KCNQ3: variants seen among roughly 807,000 people sequenced by gnomAD.
The protein encoded by KCNQ3 is potassium voltage-gated channel subfamily Q member 3.
KCNQ3 carries 30 observed loss-of-function variants against 92.5 expected under a neutral mutation model. That is an observed-to-expected ratio of 0.32 (90% CI 0.24 to 0.44). The LOEUF (loss-of-function observed/expected upper bound fraction) is 0.44, where lower values mean the gene tolerates loss of function less well. KCNQ3 is among the 20% of genes least tolerant of loss of function. The probability of loss-of-function intolerance (pLI) is 1.00; values close to 1 mark genes in which losing one functional copy is unlikely to be tolerated. For missense variants in KCNQ3, 913 were observed against 1,140.3 expected (o/e 0.80, Z 2.87); for synonymous variants, 450 against 468.8 (o/e 0.96, Z 0.52).
intron 1 of KCNQ3, among the ~76,000 whole-genome samples, chr8:132,301,436 A>G (rs899556366): frequency 6.6e-6 from 1 of 151,976 alleles, no homozygotes. Flanking sequence ...ACTCAATCCC[A>G]TTTCCTTATG....
At chr8:132,315,566 G>C (rs1817717065) in intron 1 of KCNQ3, among the ~76,000 whole-genome samples, 1 of 152,132 alleles carries the variant, frequency 6.6e-6, no homozygotes. Flanking sequence ...AAAAGTTTAA[G>C]TGTTTTTTTT....
chr8:132,378,829 C>T (rs1384981276), intron 1 of KCNQ3, among the ~76,000 whole-genome samples: 1 of 152,198 alleles, frequency 6.6e-6, no homozygotes, highest in Non-Finnish European at 1.5e-5. Context: ...CAGCAAAACA[C>T]TTCTAGGCTT....
At chr8:132,336,985 G>A (rs1023544249) in intron 1 of KCNQ3, among the ~76,000 whole-genome samples, 5 of 152,212 alleles carry the variant, frequency 3.3e-5, no homozygotes, top group South Asian at 2.1e-4. Flanking sequence ...GGAGGAAGAA[G>A]TCCATTTTGG....
At chr8:132,275,616 C>T (rs372735786) in intron 1 of KCNQ3, among the ~76,000 whole-genome samples, 154 of 150,892 alleles carry the variant, frequency 1.0e-3, no homozygotes, top group African/African-American at 3.2e-3. Flanking sequence ...CTTGCTCTGT[C>T]GCCCAGGCTG....
chr8:132,329,733 C>G (rs1818175471), intron 1 of KCNQ3, among the ~76,000 whole-genome samples: 1 of 152,182 alleles, frequency 6.6e-6, no homozygotes, highest in Non-Finnish European at 1.5e-5. Context: ...ATCTCTCTAG[C>G]TTTGACACAG....
At chr8:132,224,227 C>A (rs1302214784) in intron 1 of KCNQ3, among the ~76,000 whole-genome samples, 1 of 151,448 alleles carries the variant, frequency 6.6e-6, no homozygotes, top group African/African-American at 2.4e-5. Flanking sequence ...TGAGCCTCTG[C>A]ACCTGGTCAA....
intron 1 of KCNQ3, among the ~76,000 whole-genome samples, chr8:132,199,895 GC>G (rs1418672425): frequency 7.0e-5 from 10 of 142,812 alleles, no homozygotes; most frequent in Non-Finnish European, 1.2e-4. Flanking sequence ...GGGTGACAGA[GC>G]AAGACTCAGT....
chr8:132,201,843 A>G (rs1189354423), intron 1 of KCNQ3, among the ~76,000 whole-genome samples: 1 of 152,134 alleles, frequency 6.6e-6, no homozygotes, highest in African/African-American at 2.4e-5. Flanking sequence ...GCACTGCCCT[A>G]GCGAGGTCTC....
At chr8:132,250,571 G>T (rs947660593) in intron 1 of KCNQ3, among the ~76,000 whole-genome samples, 3 of 152,068 alleles carry the variant, frequency 2.0e-5, no homozygotes, top group African/African-American at 4.8e-5. Flanking sequence ...ATACAGAGTC[G>T]AATTTTGTGG....
chr8:132,386,076 T>C (rs1341557338), intron 1 of KCNQ3, among the ~76,000 whole-genome samples: 1 of 152,148 alleles, frequency 6.6e-6, no homozygotes, highest in Non-Finnish European at 1.5e-5. Flanking sequence ...CAGGGATTGC[T>C]TATGTGGTCT....
rs146903457 is a variant in KCNQ3, at chr8:132,404,425, T to C, written c.386+75722A>G. On this transcript the variant is annotated intron_variant, in intron 1 of 14. Coordinates refer to ENST00000388996, the MANE Select transcript of KCNQ3 (RefSeq NM_004519.4). ...GAGGTGATTAAAGTCCCTAATCAGA[T>C]GATTTTAAGAATGGGAAAGTATCCA... Among the ~76,000 whole-genome samples, 388 of 152,350 alleles carry C rather than the reference T, an allele frequency of 2.5e-3. 9 individuals are homozygous for C. The highest frequency in any genetic ancestry group is 0.021 in the Admixed American group (329 of 15,310).
Position 132,294,841 on chromosome 8 carries a change from T to C in KCNQ3, c.387-108660A>G, listed in dbSNP as rs938184289. 3.9e-5 allele frequency among the ~76,000 whole-genome samples: 6 copies of C among 152,348 alleles called. No homozygotes were observed. The East Asian group carries it at 1.2e-3, about 29-fold the overall frequency. On this transcript the variant is annotated intron_variant, in intron 1 of 14. Transcript: ENST00000388996. ...ACTTAAAGTTATTGGGCATTTGGCA[T>C]ATGCAGAACATTGAAACTGGACCCC...
intron 1 of KCNQ3, among the ~76,000 whole-genome samples, chr8:132,405,317 A>C (rs56857507): frequency 0.14 from 20,870 of 152,156 alleles, 1,538 homozygotes; most frequent in African/African-American, 0.19. Flanking sequence ...CACGGCATAA[A>C]ATTGCCTGTT....
At chr8:132,403,960 G>A (rs1043417849) in intron 1 of KCNQ3, among the ~76,000 whole-genome samples, 6 of 152,238 alleles carry the variant, frequency 3.9e-5, no homozygotes, top group East Asian at 3.9e-4. Flanking sequence ...GTACAACACC[G>A]CCCTCTCTCC....
chr8:132,347,842 T>C (rs1269620160), intron 1 of KCNQ3, among the ~76,000 whole-genome samples: 13 of 151,580 alleles, frequency 8.6e-5, no homozygotes, highest in Non-Finnish European at 5.9e-5. Flanking sequence ...CCGGGCCTGG[T>C]GGTGGGCGCC....
chr8:132,364,656 G>A (rs1268131530), intron 1 of KCNQ3, among the ~76,000 whole-genome samples: 1 of 151,490 alleles, frequency 6.6e-6, no homozygotes, highest in East Asian at 1.9e-4. Context: ...TAACAAATGG[G>A]TTTAGTAAAT....
intron 1 of KCNQ3, among the ~76,000 whole-genome samples, chr8:132,200,593 G>A (rs1827429434): frequency 6.6e-6 from 1 of 152,174 alleles, no homozygotes; most frequent in South Asian, 2.1e-4. Context: ...AGATAATGGA[G>A]CATTTAAAAT....
In KCNQ3 at chr8:132,480,485, G is replaced by C. The variant is rs751156998; in HGVS notation, c.48C>G (p.Gly16=). 7 of 1,199,536 alleles carry C rather than the reference G, an allele frequency of 5.8e-6. No homozygotes were observed. The highest frequency in any genetic ancestry group is 4.8e-5 in the African/African-American group (3 of 62,046). 74.3% of individuals were successfully genotyped at this position (1,199,536 alleles called of 1,614,324 possible). A position where few individuals can be genotyped will look rare whatever the true frequency, so the allele number is the denominator to read the frequency against. Residue 16 remains glycine (G), a synonymous_variant, in exon 1 of 15, where the codon GGC becomes GGG. Coordinates refer to ENST00000388996, the MANE Select transcript of KCNQ3 (RefSeq NM_004519.4). ...RRAAGAAGGG[G]DGGGGGGGAA... ...CCCCGCCGCCTCCGCCGCCCCCGTC[G>C]CCGCCGCCGCCAGCCGCCCCCGCCG...
At chr8:132,257,745 C>CAAAAAAAAAAAAAAA (rs1174893538) in intron 1 of KCNQ3, among the ~76,000 whole-genome samples, 1 of 76,662 alleles carries the variant, frequency 1.3e-5, no homozygotes, top group Non-Finnish European at 2.3e-5. Flanking sequence ...GACTCCAGCT[C>CAAAAAAAAAAAAAAA]AAAAAAAAAA....
Sources: gnomAD v4.1 joint callset for allele counts (sites outside exome capture counted in the v4.1 genomes callset) on GRCh38, gnomAD v4.1.1 for gene constraint, MANE v1.5 for transcripts, NCBI Gene and HGNC (gene_info 2026-07-23, HGNC 2026-07-21) for gene names.